PRORP: variants seen among roughly 807,000 people sequenced by gnomAD.
The protein encoded by PRORP is mitochondrial ribonuclease P catalytic subunit.
A neutral mutation model predicts 59.4 loss-of-function variants in PRORP; 51 were observed. The ratio of observed to expected loss-of-function variants is 0.86; its 90% CI spans 0.69 to 1.08. PRORP has a LOEUF of 1.08. Among genes scored for constraint, PRORP ranks in the 50% least tolerant of loss-of-function variants. PRORP has a pLI of 0.00. For missense variants in PRORP, 646 were observed against 690.3 expected (o/e 0.94, Z 0.72); for synonymous variants, 231 against 245.6 (o/e 0.94, Z 0.55).
At chr14:35,235,103 C>T (rs1215464355) in intron 5 of PRORP, 1 of 451,646 alleles carries the variant, frequency 2.2e-6, no homozygotes, top group African/African-American at 2.0e-5. Context: ...GAAATGGAAG[C>T]TAATATTTTT....
At chr14:35,225,385 C>T (rs1272587324) in intron 5 of PRORP, among the ~76,000 whole-genome samples, 3 of 151,740 alleles carry the variant, frequency 2.0e-5, no homozygotes, top group Admixed American at 6.6e-5. Context: ...TTGCTCTTGT[C>T]GCCCAGGCTG....
chr14:35,137,045 C>T (rs927394700), intron 4 of PRORP, among the ~76,000 whole-genome samples: 1 of 145,928 alleles, frequency 6.9e-6, no homozygotes, highest in African/African-American at 2.4e-5. Context: ...ACTAAGAAAT[C>T]ATTGATGACC....
chr14:35,145,415 A>C (rs1213646377), intron 4 of PRORP, among the ~76,000 whole-genome samples: 1 of 143,856 alleles, frequency 7.0e-6, no homozygotes, highest in African/African-American at 2.4e-5. Flanking sequence ...TTTTTTGGTC[A>C]AAATAGCTAT....
chr14:35,147,645 T>TAAGAC (rs2047643952), intron 4 of PRORP, among the ~76,000 whole-genome samples: 1 of 152,242 alleles, frequency 6.6e-6, no homozygotes, highest in East Asian at 1.9e-4. Flanking sequence ...GTGTGGCAAT[T>TAAGAC]TCTTAAAATA....
chr14:35,131,199 T>G (rs1384127579), intron 4 of PRORP, among the ~76,000 whole-genome samples: 1 of 152,146 alleles, frequency 6.6e-6, no homozygotes, highest in Non-Finnish European at 1.5e-5. Flanking sequence ...CACCTCGGCC[T>G]CCCAAAGTGC....
chr14:35,197,696 A>C (rs984452363), intron 5 of PRORP, among the ~76,000 whole-genome samples: 16 of 152,164 alleles, frequency 1.1e-4, no homozygotes, highest in Non-Finnish European at 1.8e-4. Flanking sequence ...CACTCTGCCA[A>C]CTCAAGTGGA....
chr14:35,180,640 TTAA>T, intron 4 of PRORP, 27 bp from the exon 5 acceptor site: 1 of 1,367,960 alleles, frequency 7.3e-7, no homozygotes, highest in Non-Finnish European at 1.0e-6. Context: ...TGAGTTCTTA[TTAA>T]TGTTTTGTCT....
intron 4 of PRORP, among the ~76,000 whole-genome samples, chr14:35,169,544 A>T (rs1474185730): frequency 6.6e-6 from 1 of 152,192 alleles, no homozygotes; most frequent in Non-Finnish European, 1.5e-5. Context: ...GGCATGTCTT[A>T]CACGGCAGCA....
chr14:35,197,633 A>G (rs1309150653), intron 5 of PRORP, among the ~76,000 whole-genome samples: 2 of 152,156 alleles, frequency 1.3e-5, no homozygotes, highest in Admixed American at 6.5e-5. Flanking sequence ...TGATTTAGAC[A>G]TGGCTTTTTT....
chr14:35,255,739 C>T (rs2050734238), intron 5 of PRORP, among the ~76,000 whole-genome samples: 3 of 152,022 alleles, frequency 2.0e-5, no homozygotes. Flanking sequence ...TTACATGATA[C>T]CATAGGGATG....
intron 5 of PRORP, among the ~76,000 whole-genome samples, chr14:35,232,819 C>CGT: frequency 6.6e-6 from 1 of 152,216 alleles, no homozygotes; most frequent in East Asian, 1.9e-4. Context: ...ACTACAGATG[C>CGT]ATGCCACCAC....
chr14:35,178,868 G>A (rs552753656), intron 4 of PRORP, among the ~76,000 whole-genome samples: 40 of 152,328 alleles, frequency 2.6e-4, no homozygotes, highest in African/African-American at 9.6e-4. Flanking sequence ...TGTTTTTGCA[G>A]TGGCTGGTAC....
intron 4 of PRORP, among the ~76,000 whole-genome samples, chr14:35,179,149 CCTTT>C (rs2048532621): frequency 1.3e-5 from 2 of 152,220 alleles, no homozygotes; most frequent in Non-Finnish European, 2.9e-5. Context: ...GGGAACCTGA[CCTTT>C]CTCTCTAGCT....
At chr14:35,238,799 G>A (rs2050286213) in intron 5 of PRORP, among the ~76,000 whole-genome samples, 1 of 152,182 alleles carries the variant, frequency 6.6e-6, no homozygotes, top group South Asian at 2.1e-4. Flanking sequence ...GCTGGACACT[G>A]TGCTTAAGCA....
intron 5 of PRORP, among the ~76,000 whole-genome samples, chr14:35,259,514 G>C (rs775685701): frequency 5.3e-5 from 8 of 151,978 alleles, no homozygotes; most frequent in African/African-American, 9.7e-5. Context: ...TTTTGTCTCT[G>C]TTTTACTTTT....
intron 4 of PRORP, among the ~76,000 whole-genome samples, chr14:35,172,169 C>T (rs929592078): frequency 3.3e-5 from 5 of 151,836 alleles, no homozygotes; most frequent in Admixed American, 2.6e-4. Context: ...CTGCCTCAGC[C>T]TCCCAAGTAG....
At chr14:35,173,789 C>T (rs1456519405) in intron 4 of PRORP, among the ~76,000 whole-genome samples, 1 of 151,826 alleles carries the variant, frequency 6.6e-6, no homozygotes, top group African/African-American at 2.4e-5. Flanking sequence ...TATTGTTGTT[C>T]TCTCTCGTGG....
intron 5 of PRORP, among the ~76,000 whole-genome samples, chr14:35,190,050 A>G (rs10438060): frequency 0.98 from 148,430 of 151,554 alleles, 72,752 homozygotes; most frequent in East Asian, 1. Flanking sequence ...AGAGGTTGCA[A>G]TGAGCTGAGA....
At chr14:35,194,985 CATG>C (rs2048974115) in intron 5 of PRORP, among the ~76,000 whole-genome samples, 2 of 3,142 alleles carry the variant, frequency 6.4e-4, no homozygotes, top group Non-Finnish European at 7.9e-3. Flanking sequence ...TCCTCTCACA[CATG>C]ATTTTGTTTT....
Sources: allele counts gnomAD v4.1 joint callset (sites outside exome capture counted in the v4.1 genomes callset), GRCh38; gene constraint gnomAD v4.1.1; transcripts MANE v1.5; gene names NCBI Gene and HGNC (gene_info 2026-07-23, HGNC 2026-07-21).